The following UNC79 variants were observed in gnomAD, a reference collection of about 807,000 sequenced individuals.
UNC79 encodes protein unc-79 homolog.
A neutral mutation model predicts 283.1 loss-of-function variants in UNC79; 37 were observed. The observed-to-expected ratio is 0.13, with a 90% CI of 0.10 to 0.17. The LOEUF (loss-of-function observed/expected upper bound fraction) is 0.17, where lower values mean the gene tolerates loss of function less well. UNC79 is among the 10% of genes least tolerant of loss of function. The pLI, the probability that UNC79 is intolerant of heterozygous loss-of-function variation, is 1.00. For missense variants in UNC79, 2,272 were observed against 3,211.1 expected (o/e 0.71, Z 7.07); for synonymous variants, 1,107 against 1,200.2 (o/e 0.92, Z 1.61).
intron 1 of UNC79, among the ~76,000 whole-genome samples, chr14:93,391,063 T>C (rs1014716989): frequency 6.6e-6 from 1 of 152,190 alleles, no homozygotes; most frequent in Non-Finnish European, 1.5e-5. Context: ...CAAGACTTTT[T>C]CCTAAAGCTG....
intron 1 of UNC79, among the ~76,000 whole-genome samples, chr14:93,412,629 G>T (rs944220287): frequency 3.3e-4 from 50 of 152,048 alleles, no homozygotes; most frequent in Admixed American, 2.7e-3. Context: ...TCTTCTTTGG[G>T]TTAAATCTTC....
intron 1 of UNC79, among the ~76,000 whole-genome samples, chr14:93,411,884 A>G (rs1157812488): frequency 6.6e-6 from 1 of 152,252 alleles, no homozygotes; most frequent in Non-Finnish European, 1.5e-5. Flanking sequence ...CCAGACGCAG[A>G]CAAACATCTG....
At chr14:93,367,429 C>G (rs1374447133) in intron 1 of UNC79, among the ~76,000 whole-genome samples, 2 of 151,680 alleles carry the variant, frequency 1.3e-5, no homozygotes, top group African/African-American at 4.8e-5. Context: ...TACTTTTGGC[C>G]AATGAAATTG....
chr14:93,665,816 A>G lies in UNC79; in HGVS notation c.6636+3102A>G, dbSNP rs1385386969. Among the ~76,000 whole-genome samples, 4 of 152,076 alleles carry G rather than the reference A, an allele frequency of 2.6e-5. No homozygotes were observed. In the East Asian group the frequency reaches 5.8e-4, roughly 22 times the overall value. On this transcript the variant is annotated intron_variant, in intron 40 of 48. Coordinates refer to ENST00000555664, the Ensembl canonical transcript of UNC79. ...AGAATGAAGGATAAATAGATATTAT[A>G]TCAGGAAAATAAGAAGGCTTCTAAT...
chr14:93,619,875 C>T (rs1011202614), intron 29 of UNC79, among the ~76,000 whole-genome samples: 3 of 152,196 alleles, frequency 2.0e-5, no homozygotes, highest in African/African-American at 7.2e-5. Context: ...AGTAGGTAAA[C>T]TCATTATGAT....
intron 1 of UNC79, among the ~76,000 whole-genome samples, chr14:93,402,477 GAGA>G (rs1318089260): frequency 6.6e-6 from 1 of 151,732 alleles, no homozygotes; most frequent in Admixed American, 6.6e-5. Context: ...GATATGAACT[GAGA>G]AGAGGTAGAT....
At chr14:93,547,026 A>T (rs1245067851) in intron 14 of UNC79, among the ~76,000 whole-genome samples, 1 of 152,126 alleles carries the variant, frequency 6.6e-6, no homozygotes, top group South Asian at 2.1e-4. Flanking sequence ...AAATAGTCAT[A>T]GTTAAAGATC....
intron 8 of UNC79, among the ~76,000 whole-genome samples, chr14:93,526,307 G>A (rs979889382): frequency 1.4e-4 from 22 of 152,034 alleles, no homozygotes; most frequent in African/African-American, 3.1e-4. Context: ...CATCATCACC[G>A]TATGACATGC....
intron 1 of UNC79, among the ~76,000 whole-genome samples, chr14:93,434,506 C>T (rs1025515945): frequency 2.0e-5 from 3 of 152,152 alleles, no homozygotes; most frequent in Admixed American, 6.5e-5. Context: ...CCACTCCCTC[C>T]ACCCCAAACT....
At chr14:93,333,336 A>G in exon 1 of UNC79, 1 of 398,524 alleles carries the variant, frequency 2.5e-6, no homozygotes, top group Non-Finnish European at 4.4e-6. Flanking sequence ...GAATATAAGA[A>G]CTGTGTCACT....
chr14:93,446,122 G>A (rs2056451866), intron 1 of UNC79, among the ~76,000 whole-genome samples: 1 of 151,560 alleles, frequency 6.6e-6, no homozygotes, highest in South Asian at 2.1e-4. Flanking sequence ...ATTGATTTTT[G>A]TACATAATTA....
Position 93,580,284 on chromosome 14 carries a change from G to A in UNC79, c.2569G>A (p.Glu857Lys), listed in dbSNP as rs200793911. Residue 857 changes from glutamate to lysine, a missense_variant, in exon 19 of 49, where the codon GAG (glutamate) becomes AAG (lysine). Coordinates refer to ENST00000555664, the Ensembl canonical transcript of UNC79. ...CTGCCAGAAGGACGAAAAAGCAATC[G>A]AGTGCAACTTATGTCAGTCTAGTAT... 1.7e-5 allele frequency: 28 copies of A among 1,614,172 alleles called. 1 individual carries two copies. The South Asian group carries it at 2.7e-4, about 16-fold the overall frequency.
At chr14:93,575,418 T>G (rs1259611789) in intron 17 of UNC79, among the ~76,000 whole-genome samples, 2 of 152,234 alleles carry the variant, frequency 1.3e-5, no homozygotes. Flanking sequence ...TTTCTTTGAA[T>G]TTTAGCTTTC....
At chr14:93,345,344 C>T (rs2053801815) in intron 1 of UNC79, among the ~76,000 whole-genome samples, 1 of 152,186 alleles carries the variant, frequency 6.6e-6, no homozygotes, top group South Asian at 2.1e-4. Context: ...CCTGCTTCTT[C>T]ATATTCATAA....
chr14:93,394,213 A>ACACACATTGTAATAAAATGTAT (rs1320164947), intron 1 of UNC79, among the ~76,000 whole-genome samples: 1 of 152,112 alleles, frequency 6.6e-6, no homozygotes, highest in Non-Finnish European at 1.5e-5. Flanking sequence ...CTGATGTTTC[A>ACACACATTGTAATAAAATGTAT]CACACATTGT....
intron 1 of UNC79, among the ~76,000 whole-genome samples, chr14:93,351,297 CTT>C (rs1239618018): frequency 1.9e-4 from 29 of 152,102 alleles, no homozygotes; most frequent in African/African-American, 5.6e-4. Context: ...ATTCATATAA[CTT>C]TGTGTATTGC....
At position 93,654,477 on chromosome 14, in the gene UNC79, G is replaced by T. The variant is rs192445117; in HGVS notation, c.6282+452G>T. Among the ~76,000 whole-genome samples, 501 of 140,458 alleles carry T rather than the reference G, an allele frequency of 3.6e-3. 7 individuals are homozygous for T. In the East Asian group the frequency reaches 0.055, roughly 15 times the overall value. The allele number at this position is 140,458 out of a possible 152,430, so 92.1% of individuals were successfully genotyped here. On this transcript the variant is annotated intron_variant, in intron 37 of 48. Transcript: ENST00000555664. ...CTACATTACACTCCAAGTTGTAATG[G>T]CTACATTACACTCCAATGGCTACAT...
chr14:93,564,402 C>G (rs12887857), intron 14 of UNC79, among the ~76,000 whole-genome samples: 1 of 152,064 alleles, frequency 6.6e-6, no homozygotes, highest in Non-Finnish European at 1.5e-5. Flanking sequence ...TGGACATGAT[C>G]GGCAGGGAGA....
At chr14:93,579,667 T>G (rs1185791367) in intron 18 of UNC79, among the ~76,000 whole-genome samples, 1 of 152,206 alleles carries the variant, frequency 6.6e-6, no homozygotes, top group Non-Finnish European at 1.5e-5. Flanking sequence ...CACATCATTC[T>G]ATGAACTCTT....
Sources: allele counts gnomAD v4.1 joint callset (sites outside exome capture counted in the v4.1 genomes callset), GRCh38; gene constraint gnomAD v4.1.1; transcripts MANE v1.5; gene names NCBI Gene and HGNC (gene_info 2026-07-23, HGNC 2026-07-21).